CLVS1: variants seen among roughly 807,000 people sequenced by gnomAD.
CLVS1 encodes clavesin-1.
A neutral mutation model predicts 33.1 loss-of-function variants in CLVS1; 10 were observed. That is an observed-to-expected ratio of 0.30 (90% CI 0.19 to 0.51). CLVS1 has a LOEUF of 0.51. CLVS1 is among the 20% of genes least tolerant of loss of function. The pLI is 0.97. For missense variants in CLVS1, 343 were observed against 433.4 expected (o/e 0.79, Z 1.85); for synonymous variants, 163 against 166.1 (o/e 0.98, Z 0.14).
intron 3 of CLVS1, among the ~76,000 whole-genome samples, chr8:61,401,161 A>G (rs1283621995): frequency 1.3e-5 from 2 of 151,666 alleles, no homozygotes; most frequent in Non-Finnish European, 2.9e-5. Flanking sequence ...ATTAGTACTA[A>G]TCATTTTTAA....
At chr8:61,206,781 G>A (rs1441099776) in intron 2 of CLVS1, among the ~76,000 whole-genome samples, 1 of 151,970 alleles carries the variant, frequency 6.6e-6, no homozygotes, top group Non-Finnish European at 1.5e-5. Context: ...TAGAGAAGGG[G>A]TTTCACCTTG....
chr8:61,430,567 A>C (rs934650517), intron 3 of CLVS1, among the ~76,000 whole-genome samples: 1 of 152,140 alleles, frequency 6.6e-6, no homozygotes, highest in African/African-American at 2.4e-5. Context: ...AATGACTCCC[A>C]ACTCCATGAG....
At chr8:61,154,448 C>G (rs925038278) in intron 2 of CLVS1, among the ~76,000 whole-genome samples, 4 of 151,992 alleles carry the variant, frequency 2.6e-5, no homozygotes, top group Non-Finnish European at 5.9e-5. Context: ...GGCAGTATAC[C>G]ATTTTTTGAT....
intron 1 of CLVS1, among the ~76,000 whole-genome samples, chr8:61,296,271 G>A (rs1163516852): frequency 6.6e-6 from 1 of 152,172 alleles, no homozygotes; most frequent in Non-Finnish European, 1.5e-5. Context: ...ACTGTGTGCT[G>A]AGCACAGAAT....
At chr8:61,004,671 C>T in the CLVS1 span, among the ~76,000 whole-genome samples, 6 of 152,282 alleles carry the variant, frequency 3.9e-5, no homozygotes, top group South Asian at 2.1e-4. Context: ...AGGAAGCTGG[C>T]GACAGGGTGG....
chr8:61,231,738 G>C (rs2129311941), intron 2 of CLVS1, among the ~76,000 whole-genome samples: 1 of 152,344 alleles, frequency 6.6e-6, no homozygotes, highest in South Asian at 2.1e-4. Context: ...TCTGAAACTG[G>C]GAATGGGGGA....
intron 2 of CLVS1, among the ~76,000 whole-genome samples, chr8:61,138,963 A>G (rs562727573): frequency 6.6e-6 from 1 of 152,380 alleles, no homozygotes; most frequent in Admixed American, 6.5e-5. Context: ...AGGAGAGGAA[A>G]GTCGTCCGCG....
chr8:61,267,543 A>G (rs540425252), intron 2 of CLVS1, among the ~76,000 whole-genome samples: 25 of 152,302 alleles, frequency 1.6e-4, no homozygotes, highest in East Asian at 1.5e-3. Context: ...CTATAATTTT[A>G]TAGGGAAAAT....
the CLVS1 span, among the ~76,000 whole-genome samples, chr8:60,991,326 A>C: frequency 6.6e-6 from 1 of 152,240 alleles, no homozygotes; most frequent in South Asian, 2.1e-4. Context: ...CAGAAAGGGC[A>C]CATGTAAAAC....
At chr8:61,463,727 A>G (rs1817449879) in intron 5 of CLVS1, among the ~76,000 whole-genome samples, 1 of 151,992 alleles carries the variant, frequency 6.6e-6, no homozygotes, top group Non-Finnish European at 1.5e-5. Context: ...CAATAGTAAC[A>G]TCACAAATTT....
At chr8:61,447,628 C>T (rs1816803705) in intron 3 of CLVS1, among the ~76,000 whole-genome samples, 1 of 151,910 alleles carries the variant, frequency 6.6e-6, no homozygotes, top group Non-Finnish European at 1.5e-5. Context: ...TTCACCAGTT[C>T]AAGTGAAGTA....
chr8:61,326,840 A>G (rs376177484), intron 2 of CLVS1, among the ~76,000 whole-genome samples: 2 of 152,348 alleles, frequency 1.3e-5, no homozygotes, highest in African/African-American at 2.4e-5. Flanking sequence ...TAGACTTAAC[A>G]TTCAGATACT....
At chr8:61,306,997 C>A (rs894093523) in intron 2 of CLVS1, among the ~76,000 whole-genome samples, 1 of 152,188 alleles carries the variant, frequency 6.6e-6, no homozygotes, top group Non-Finnish European at 1.5e-5. Context: ...GAGAAGTCAC[C>A]TTGTTTTAGT....
chr8:61,044,234 CCTGT>C, the CLVS1 span, among the ~76,000 whole-genome samples: 1 of 152,096 alleles, frequency 6.6e-6, no homozygotes, highest in Non-Finnish European at 1.5e-5. Context: ...CAGCATAGAA[CCTGT>C]GGTTCTGGGG....
At chr8:61,155,033 G>A (rs1806622728) in intron 2 of CLVS1, among the ~76,000 whole-genome samples, 1 of 152,186 alleles carries the variant, frequency 6.6e-6, no homozygotes, top group African/African-American at 2.4e-5. Flanking sequence ...CAGGTGCCTA[G>A]AAGGTGAAGG....
At chr8:61,168,698 G>A (rs1455600093) in intron 2 of CLVS1, among the ~76,000 whole-genome samples, 1 of 152,188 alleles carries the variant, frequency 6.6e-6, no homozygotes, top group African/African-American at 2.4e-5. Flanking sequence ...TAAAAACTGT[G>A]TTTTGAAGCT....
rs200357400 is a variant in CLVS1 at position 61,499,564 on chromosome 8, C to G, written c.*22C>G. ...CTGAACCCTGAGTCACCCCAATGCT[C>G]CTGCACACTGGCCTTCAGTGGTATC... On this transcript the variant is annotated 3_prime_UTR_variant, in exon 6 of 6. Coordinates refer to ENST00000325897, the MANE Select transcript of CLVS1 (RefSeq NM_173519.3). The G allele has an allele frequency of 3.6e-5, 57 of 1,589,656 alleles. No homozygotes were observed. In the East Asian group the frequency reaches 1.2e-3, roughly 34 times the overall value.
At chr8:61,003,277 TA>T in the CLVS1 span, among the ~76,000 whole-genome samples, 1 of 152,070 alleles carries the variant, frequency 6.6e-6, no homozygotes, top group Non-Finnish European at 1.5e-5. Flanking sequence ...TTTTTTGACT[TA>T]AAAGAAAAAG....
At chr8:61,036,152 G>A in the CLVS1 span, among the ~76,000 whole-genome samples, 1 of 152,238 alleles carries the variant, frequency 6.6e-6, no homozygotes, top group South Asian at 2.1e-4. Context: ...ATGTAAAGGA[G>A]ACAGTGAACT....
Sources: allele counts gnomAD v4.1 joint callset (sites outside exome capture counted in the v4.1 genomes callset), GRCh38; gene constraint gnomAD v4.1.1; transcripts MANE v1.5; gene names NCBI Gene and HGNC (gene_info 2026-07-23, HGNC 2026-07-21).